Variants in THSD7B observed in about 807,000 individuals in gnomAD.
THSD7B encodes the protein thrombospondin type-1 domain-containing protein 7B.
A neutral mutation model predicts 213.6 loss-of-function variants in THSD7B; 138 were observed. That is an observed-to-expected ratio of 0.65 (90% CI 0.56 to 0.74). The LOEUF is 0.74. Among genes scored for constraint, THSD7B ranks in the 30% least tolerant of loss-of-function variants. The pLI is 0.00. For synonymous variants in THSD7B, 742 were observed against 687.0 expected, an observed-to-expected ratio of 1.08 and a Z score of -1.25; for missense variants, 1,931 against 1,991.5, an observed-to-expected ratio of 0.97 and a Z score of 0.58.
intron 16 of THSD7B, among the ~76,000 whole-genome samples, chr2:137,568,291 AG>A (rs1346022262): frequency 6.6e-6 from 1 of 152,084 alleles, no homozygotes; most frequent in African/African-American, 2.4e-5. Context: ...AGTAAAAGTG[AG>A]GTGATGACTG....
chr2:136,943,315 C>T (rs1366004827), intron 2 of THSD7B, among the ~76,000 whole-genome samples: 4 of 152,184 alleles, frequency 2.6e-5, no homozygotes, highest in Non-Finnish European at 4.4e-5. Flanking sequence ...CATCAATGTT[C>T]ATCAGGGATA....
intron 20 of THSD7B, among the ~76,000 whole-genome samples, chr2:137,623,056 G>A (rs542200231): frequency 1.2e-4 from 18 of 152,308 alleles, no homozygotes; most frequent in Middle Eastern, 3.4e-3. Flanking sequence ...TATCCTTGAT[G>A]AACATCGATG....
At chr2:137,468,250 A>G (rs911205119) in intron 15 of THSD7B, among the ~76,000 whole-genome samples, 3 of 152,086 alleles carry the variant, frequency 2.0e-5, no homozygotes, top group African/African-American at 7.2e-5. Flanking sequence ...ATTTAAGGAG[A>G]TTTATATATT....
Position 137,232,932 on chromosome 2 carries a change from A to G in THSD7B, c.1949A>G (p.Gln650Arg), listed in dbSNP as rs1681673743. 9.9e-6 allele frequency: 16 copies of G among 1,613,956 alleles called. No homozygotes were observed. The highest frequency in any genetic ancestry group is 1.4e-5 in the Non-Finnish European group (16 of 1,179,830). ...GKPCPPSQAL[Q>R]EHRLCNDHSC... is the part of the protein sequence containing the mutation. ...CCATGTCCCCCTAGTCAGGCTCTCC[A>G]AGAGCATCGTTTGTGTAATGACCAT... The change falls in exon 9 of 28, where the codon CAA (glutamine) becomes CGA (arginine). Residue 650 changes from glutamine (Q) to arginine (R), a missense_variant. By Grantham distance (43) the Gln-to-Arg change is conservative. Coordinates refer to ENST00000409968, the MANE Select transcript of THSD7B (RefSeq NM_001316349.2).
At chr2:137,355,143 CT>C (rs993062953) in intron 12 of THSD7B, among the ~76,000 whole-genome samples, 27 of 152,004 alleles carry the variant, frequency 1.8e-4, no homozygotes, top group Non-Finnish European at 4.0e-4. Flanking sequence ...AATATTTATG[CT>C]TTTTTAAGAA....
intron 2 of THSD7B, among the ~76,000 whole-genome samples, chr2:136,931,470 G>T (rs560723): frequency 0.42 from 63,106 of 151,986 alleles, 15,055 homozygotes; most frequent in Non-Finnish European, 0.55. Context: ...GATGGTGGAG[G>T]TTCATGCTCC....
chr2:137,667,634 T>G (rs1312937634), intron 26 of THSD7B, 140 bp from the exon 27 acceptor site: 13 of 627,016 alleles, frequency 2.1e-5, no homozygotes, highest in Non-Finnish European at 3.7e-5. Context: ...TGCAGTTGAG[T>G]GCACAGTTGG....
Position 137,253,630 on chromosome 2 carries a change from G to A in THSD7B, c.2266+11058G>A, listed in dbSNP as rs566792248. ...CTTATTTGTCGATAGAGGTAAATGA[G>A]TTGTTTTATAGAAACCAAGGTACCC... On this transcript the variant is annotated intron_variant, in intron 10 of 27. Transcript: ENST00000409968. Among the ~76,000 whole-genome samples, 12 of 152,226 alleles carry A rather than the reference G, an allele frequency of 7.9e-5. No individual in the cohort carries two copies. In the East Asian group the frequency reaches 2.3e-3, roughly 29 times the overall value.
chr2:136,906,273 A>G (rs1332231283), intron 2 of THSD7B, among the ~76,000 whole-genome samples: 2 of 152,194 alleles, frequency 1.3e-5, no homozygotes, highest in Non-Finnish European at 2.9e-5. Flanking sequence ...AACTTTAAAT[A>G]CCCAAAGCAA....
At chr2:137,243,967 G>A (rs76960269) in intron 10 of THSD7B, among the ~76,000 whole-genome samples, 1,762 of 152,274 alleles carry the variant, frequency 0.012, 23 homozygotes, top group African/African-American at 0.041. Context: ...GGATGGAAAC[G>A]ACAATCTCTT....
chr2:137,142,834 T>C (rs1383783643), intron 5 of THSD7B, among the ~76,000 whole-genome samples: 1 of 152,152 alleles, frequency 6.6e-6, no homozygotes, highest in East Asian at 1.9e-4. Context: ...GATTGTTTTC[T>C]TATTTGTTTT....
chr2:136,955,203 C>A (rs1476926667), intron 2 of THSD7B, among the ~76,000 whole-genome samples: 2 of 152,052 alleles, frequency 1.3e-5, no homozygotes, highest in African/African-American at 4.8e-5. Flanking sequence ...TAATTGTGTG[C>A]AATTTGAGGT....
chr2:137,476,317 A>G (rs1356924743), intron 15 of THSD7B, among the ~76,000 whole-genome samples: 2 of 152,076 alleles, frequency 1.3e-5, no homozygotes, highest in African/African-American at 4.8e-5. Flanking sequence ...TTTTTAGTAT[A>G]ATAATATGGT....
intron 2 of THSD7B, among the ~76,000 whole-genome samples, chr2:136,935,722 C>T (rs1423117850): frequency 2.0e-5 from 3 of 151,920 alleles, no homozygotes; most frequent in Non-Finnish European, 2.9e-5. Context: ...GGACTGCTGA[C>T]GAAGTCTGTC....
intron 2 of THSD7B, among the ~76,000 whole-genome samples, chr2:136,967,112 C>A (rs1016400156): frequency 1.3e-5 from 2 of 152,092 alleles, no homozygotes; most frequent in African/African-American, 4.8e-5. Flanking sequence ...TGGTATCCTG[C>A]AGGTGGGAGG....
At chr2:137,669,513 T>C (rs1451048759) in intron 27 of THSD7B, among the ~76,000 whole-genome samples, 1 of 152,196 alleles carries the variant, frequency 6.6e-6, no homozygotes, top group African/African-American at 2.4e-5. Context: ...AATGAACAAA[T>C]GTGAATTTGA....
intron 7 of THSD7B, among the ~76,000 whole-genome samples, chr2:137,218,307 G>A (rs1275442439): frequency 6.6e-6 from 1 of 152,090 alleles, no homozygotes; most frequent in Non-Finnish European, 1.5e-5. Flanking sequence ...AAGTGTTGAG[G>A]AGAATTTGAC....
intron 5 of THSD7B, among the ~76,000 whole-genome samples, chr2:137,119,394 G>A (rs10490741): frequency 0.051 from 7,726 of 152,230 alleles, 228 homozygotes; most frequent in East Asian, 0.091. Flanking sequence ...TATTGACTAC[G>A]TATGCTACAG....
intron 3 of THSD7B, among the ~76,000 whole-genome samples, chr2:137,093,367 A>G (rs926493182): frequency 1.3e-5 from 2 of 152,082 alleles, no homozygotes; most frequent in Non-Finnish European, 2.9e-5. Context: ...GGAGTTTGGG[A>G]GAGGAGGCTT....
Sources: allele counts gnomAD v4.1 joint callset (sites outside exome capture counted in the v4.1 genomes callset), GRCh38; gene constraint gnomAD v4.1.1; transcripts MANE v1.5; gene names NCBI Gene and HGNC (gene_info 2026-07-23, HGNC 2026-07-21).